The following COG7 variants were observed in gnomAD, a reference collection of about 807,000 sequenced individuals.
COG7 encodes the protein component of oligomeric golgi complex 7, also known as conserved oligomeric Golgi complex subunit 7.
In COG7, 49 loss-of-function variants were observed where a neutral mutation model predicts 91.5. That is an observed-to-expected ratio of 0.54 (90% CI 0.43 to 0.68). The LOEUF is 0.68. COG7 is among the 30% of genes least tolerant of loss of function. The pLI is 0.00. For missense variants in COG7, 895 were observed against 961.3 expected, an observed-to-expected ratio of 0.93 and a Z score of 0.91; for synonymous variants, 365 against 388.7, an observed-to-expected ratio of 0.94 and a Z score of 0.72.
rs1567334005 is a variant in COG7 at position 23,410,287 on chromosome 16, TCTC to T, written c.1475+5_1475+7del. ...AGGGTGTAGAGGACAATGACTCCTC[TCTC>T]CTACCTGTTGGCTAGCTGCTGCTCG... On this transcript the variant is annotated splice_donor_5th_base_variant and intron_variant, in intron 11 of 16. Coordinates refer to ENST00000307149, the MANE Select transcript of COG7 (RefSeq NM_153603.4). 6 of 1,613,396 alleles carry T rather than the reference TCTC, an allele frequency of 3.7e-6. No individual in the cohort carries two copies. The highest frequency in any genetic ancestry group is 5.1e-6 in the Non-Finnish European group (6 of 1,179,466).
intron 6 of COG7, among the ~76,000 whole-genome samples, chr16:23,428,915 A>T (rs1963890997): frequency 6.6e-6 from 1 of 150,702 alleles, no homozygotes. Context: ...CTGCTCTCGA[A>T]CTCCTGACCT....
chr16:23,449,426 T>TAAAATAAAAA (rs1567350235), intron 1 of COG7, among the ~76,000 whole-genome samples: 10 of 120,002 alleles, frequency 8.3e-5, no homozygotes, highest in African/African-American at 2.7e-4. Context: ...TAAAATAAAA[T>TAAAATAAAAA]AAAAAATAAA....
chr16:23,451,402 T>TAATA (rs1043036370), intron 1 of COG7, among the ~76,000 whole-genome samples: 135 of 152,290 alleles, frequency 8.9e-4, no homozygotes, highest in African/African-American at 3.1e-3. Flanking sequence ...TTATTTTTTA[T>TAATA]AATTTAACTT....
At chr16:23,417,260 C>A in intron 8 of COG7, 139 bp from the exon 9 acceptor site, 1 of 859,936 alleles carries the variant, frequency 1.2e-6, no homozygotes, top group Non-Finnish European at 1.9e-6. Context: ...CGTTTGAATG[C>A]TTCTCTAGAG....
At chr16:23,445,746 C>A in intron 2 of COG7, 67 bp downstream of exon 2, 5 of 1,531,950 alleles carry the variant, frequency 3.3e-6, no homozygotes, top group East Asian at 4.5e-5. Context: ...AAAGCCCTTA[C>A]GAGAGTGACC....
chr16:23,435,282 G>A (rs1221958821), intron 4 of COG7, among the ~76,000 whole-genome samples: 3 of 152,058 alleles, frequency 2.0e-5, no homozygotes, highest in Non-Finnish European at 2.9e-5. Flanking sequence ...GAGGAGAATT[G>A]GTTGAACCCG....
rs762983727 is a variant in COG7, at chr16:23,398,033, C to G, written c.1887+13G>C. The stretch of plus-strand genomic sequence containing the variant: ...ACTTGGACCACCCTGGAGAAGCACA[C>G]AGAAGCTCTTACGTTGCTGATGTAC... On this transcript the variant is annotated intron_variant, in intron 14 of 16. Transcript: ENST00000307149. The G allele has an allele frequency of 6.2e-7, 1 of 1,612,106 alleles. No homozygotes were observed.
In COG7 at chr16:23,392,383, T is replaced by C; in HGVS notation, c.2143A>G (p.Ile715Val). The C allele has an allele frequency of 6.2e-7, 1 of 1,614,166 alleles. No homozygotes were observed. Residue 715 changes from isoleucine to valine, a missense_variant, in exon 16 of 17, where the codon ATC (isoleucine) becomes GTC (valine). Ile to Val is a conservative substitution (Grantham distance 29). Coordinates refer to ENST00000307149, the MANE Select transcript of COG7 (RefSeq NM_153603.4). ...CGCCTGTCTTGTGGGGACCCACCGA[T>C]GTCAGTGGCCAGCTGCTTGGCAGAG... ...PHSAKQLATD[I>V]DYLINVMDAL...
chr16:23,422,116 C>T (rs1963767760), intron 7 of COG7, among the ~76,000 whole-genome samples: 1 of 151,898 alleles, frequency 6.6e-6, no homozygotes, highest in Non-Finnish European at 1.5e-5. Flanking sequence ...TTGAGATCAG[C>T]CTGAGCAAAA....
chr16:23,424,688 C>T, intron 7 of COG7, 61 bp downstream of exon 7: 1 of 1,561,556 alleles, frequency 6.4e-7, no homozygotes, highest in Non-Finnish European at 8.8e-7. Context: ...ATCCAGGCCC[C>T]AGAAGCTTCA....
rs543014506 is a variant in COG7 at position 23,426,043 on chromosome 16, G to A, written c.811-1096C>T. Among the ~76,000 whole-genome samples, 33 of 152,046 alleles carry A rather than the reference G, an allele frequency of 2.2e-4. 1 individual carries two copies. Among genetic ancestry groups the A allele is most frequent in the African/African-American group, 5.8e-4 (24 of 41,496 alleles). On this transcript the variant is annotated intron_variant, in intron 6 of 16. Transcript: ENST00000307149. Reference sequence around the variant, plus strand: ...AGCCTGACCAACATGGTCAAACCCCGTCTCTGCTAAAAATACAAAAAAATT... The same window carrying A: ...AGCCTGACCAACATGGTCAAACCCCATCTCTGCTAAAAATACAAAAAAATT...
In COG7 at chr16:23,393,345, G is replaced by T. The variant is rs199904223; in HGVS notation, c.1890C>A (p.Ile630=). The T allele has an allele frequency of 3.0e-5, 48 of 1,609,250 alleles. No individual in the cohort carries two copies. Among genetic ancestry groups the T allele is most frequent in the Non-Finnish European group, 4.0e-5 (47 of 1,175,756 alleles). The stretch of plus-strand genomic sequence containing the variant: ...GGGGGAGGGACATGATGTACTGCCC[G>T]ATCTGAAACAAAAGAAAGCGCTGTT... ...SLTPLEYISN[I]GQYIMSLPLN... The change falls in exon 15 of 17, where the codon ATC becomes ATA. Residue 630 remains isoleucine (I), a splice_region_variant and synonymous_variant. Coordinates refer to ENST00000307149, the MANE Select transcript of COG7 (RefSeq NM_153603.4).
intron 14 of COG7, among the ~76,000 whole-genome samples, chr16:23,396,400 C>A (rs780053509): frequency 6.6e-6 from 1 of 152,234 alleles, no homozygotes; most frequent in African/African-American, 2.4e-5. Context: ...ATCATTCAGC[C>A]GGGCACAGTG....
intron 7 of COG7, among the ~76,000 whole-genome samples, chr16:23,424,188 T>C (rs931140113): frequency 6.6e-6 from 1 of 151,474 alleles, no homozygotes; most frequent in African/African-American, 2.4e-5. Flanking sequence ...TTCCAGCTAC[T>C]TGGGAGGCTG....
chr16:23,433,611 C>T lies in COG7; in HGVS notation c.744G>A (p.Arg248=). 1.9e-6 allele frequency: 3 copies of T among 1,614,052 alleles called. No individual in the cohort carries two copies. The highest frequency in any genetic ancestry group is 1.7e-4 in the Middle Eastern group (1 of 6,050). ...AGGCATCATAGAGTCCGGTAAGCTG[C>T]CGGTCCAGGGATAGGTCACTTTGAC... ...ELCQSDLSLD[R]QLTGLYDALL... is the part of the protein sequence containing the mutation. The change falls in exon 6 of 17, where the codon CGG becomes CGA. Residue 248 remains arginine (R), a synonymous_variant. Transcript: ENST00000307149.
At chr16:23,416,785 G>A (rs576737680) in intron 9 of COG7, 182 bp downstream of exon 9, 34 of 694,058 alleles carry the variant, frequency 4.9e-5, no homozygotes, top group Non-Finnish European at 7.5e-5. Flanking sequence ...AGACATTTAC[G>A]TTGTTTCAAA....
intron 7 of COG7, among the ~76,000 whole-genome samples, chr16:23,420,283 T>G (rs1271752195): frequency 2.6e-5 from 4 of 152,126 alleles, no homozygotes; most frequent in African/African-American, 9.7e-5. Flanking sequence ...CTCAAAGAAA[T>G]CAACAAATAC....
At chr16:23,401,674 T>C (rs1170075940) in intron 13 of COG7, among the ~76,000 whole-genome samples, 2 of 151,982 alleles carry the variant, frequency 1.3e-5, no homozygotes, top group Non-Finnish European at 2.9e-5. Flanking sequence ...CAAAAAGCAA[T>C]GGCAACTCCA....
chr16:23,390,507 C>T (rs992933252), intron 16 of COG7, among the ~76,000 whole-genome samples: 4 of 151,344 alleles, frequency 2.6e-5, no homozygotes, highest in Admixed American at 1.3e-4. Context: ...CTCAGTGCCC[C>T]CCCACCGGCT....
Sources: allele counts gnomAD v4.1 joint callset (sites outside exome capture counted in the v4.1 genomes callset), GRCh38; gene constraint gnomAD v4.1.1; transcripts MANE v1.5; gene names NCBI Gene and HGNC (gene_info 2026-07-23, HGNC 2026-07-21).